UGCG: variants seen among roughly 807,000 people sequenced by gnomAD.
UGCG encodes UDP-glucose ceramide glucosyltransferase, also known as ceramide glucosyltransferase.
UGCG carries 10 observed loss-of-function variants against 49.5 expected under a neutral mutation model. That is an observed-to-expected ratio of 0.20 (90% confidence interval 0.12 to 0.34). The LOEUF (loss-of-function observed/expected upper bound fraction) is 0.34. Among genes scored for constraint, UGCG ranks in the 10% least tolerant of loss-of-function variants. UGCG has a pLI of 1.00. For missense variants in UGCG, 312 were observed against 483.7 expected (o/e 0.65, Z 3.33); for synonymous variants, 182 against 158.2 (o/e 1.15, Z -1.13).
At chr9:111,923,489 G>A (rs891040906) in intron 3 of UGCG, among the ~76,000 whole-genome samples, 2 of 151,898 alleles carry the variant, frequency 1.3e-5, no homozygotes, top group African/African-American at 4.8e-5. Flanking sequence ...AGCTTAAAAT[G>A]CAAATTTGAA....
In UGCG at chr9:111,933,422, G is replaced by C. The variant is rs1490613470; in HGVS notation, c.*425G>C. On this transcript the variant is annotated 3_prime_UTR_variant, in exon 9 of 9. Transcript: ENST00000374279. Reference sequence around the variant, plus strand: ...TTGCTTTAGAGTTTAGAAGATAATAGAAGGAATGACTATTCATGTCCAAAG... The same window carrying C: ...TTGCTTTAGAGTTTAGAAGATAATACAAGGAATGACTATTCATGTCCAAAG... 1 of 152,174 alleles carries C rather than the reference G, an allele frequency of 6.6e-6. No homozygotes were observed. The highest frequency in any genetic ancestry group is 1.5e-5 in the Non-Finnish European group (1 of 68,064). The allele number at this position is 152,174 out of a possible 1,614,324, so 9.4% of individuals were successfully genotyped here.
chr9:111,901,950 A>G (rs1299697164), intron 1 of UGCG, among the ~76,000 whole-genome samples: 1 of 152,194 alleles, frequency 6.6e-6, no homozygotes, highest in Non-Finnish European at 1.5e-5. Context: ...AAATCTTACC[A>G]TGAATCCTCA....
intron 2 of UGCG, among the ~76,000 whole-genome samples, chr9:111,916,119 G>A (rs1280542973): frequency 6.6e-6 from 1 of 151,868 alleles, no homozygotes; most frequent in African/African-American, 2.4e-5. Flanking sequence ...TTGTAATTGA[G>A]AAAGATATAA....
intron 3 of UGCG, 42 bp from the exon 4 acceptor site, chr9:111,924,735 A>G (rs1302558372): frequency 2.9e-6 from 3 of 1,044,520 alleles, no homozygotes; most frequent in Non-Finnish European, 4.1e-6. Flanking sequence ...AATATTTTTA[A>G]TGTTGCATAA....
intron 1 of UGCG, among the ~76,000 whole-genome samples, chr9:111,900,098 G>A (rs905076014): frequency 6.7e-6 from 1 of 148,416 alleles, no homozygotes; most frequent in Non-Finnish European, 1.5e-5. Context: ...GCCTTGGCAA[G>A]TTAAATAGCC....
rs1838441521 is a variant in UGCG, at chr9:111,932,371, G to A, written c.1014+12G>A. 1.2e-6 allele frequency: 2 copies of A among 1,603,568 alleles called. No individual in the cohort carries two copies. Among genetic ancestry groups the A allele is most frequent in the Non-Finnish European group, 1.7e-6 (2 of 1,174,168 alleles). On this transcript the variant is annotated intron_variant, in intron 8 of 8. Transcript: ENST00000374279. ...TCAGGGGTGTCCAGGTATGTGGATA[G>A]GCATGAAAAGGTTGGCAGTCCCTTG...
intron 2 of UGCG, among the ~76,000 whole-genome samples, chr9:111,921,269 C>T (rs1433200883): frequency 6.6e-6 from 1 of 151,856 alleles, no homozygotes; most frequent in East Asian, 1.9e-4. Flanking sequence ...AATTTATTAC[C>T]ACTTCTGGGG....
At chr9:111,920,856 A>G (rs1472821479) in intron 2 of UGCG, among the ~76,000 whole-genome samples, 1 of 151,850 alleles carries the variant, frequency 6.6e-6, no homozygotes, top group Non-Finnish European at 1.5e-5. Context: ...GGACATAATT[A>G]ACCTCCCTTC....
At chr9:111,908,426 G>A (rs968590241) in intron 1 of UGCG, among the ~76,000 whole-genome samples, 17 of 152,230 alleles carry the variant, frequency 1.1e-4, no homozygotes, top group Non-Finnish European at 1.0e-4. Flanking sequence ...GGGGAGCATA[G>A]TACGTGGAAG....
chr9:111,906,521 C>G (rs1837887248), intron 1 of UGCG, among the ~76,000 whole-genome samples: 1 of 152,176 alleles, frequency 6.6e-6, no homozygotes, highest in South Asian at 2.1e-4. Flanking sequence ...CCTCTGCCTC[C>G]TGGGTTCAAG....
chr9:111,924,909 A>G, intron 4 of UGCG, 31 bp downstream of exon 4: 1 of 1,289,362 alleles, frequency 7.8e-7, no homozygotes, highest in Non-Finnish European at 1.0e-6. Context: ...ATTTTATAAA[A>G]CTATTAATTT....
chr9:111,917,290 T>G (rs1838129381), intron 2 of UGCG, among the ~76,000 whole-genome samples: 1 of 152,250 alleles, frequency 6.6e-6, no homozygotes, highest in Non-Finnish European at 1.5e-5. Context: ...GGGAAATATT[T>G]GATTTCACAG....
intron 2 of UGCG, among the ~76,000 whole-genome samples, chr9:111,916,283 C>A (rs1375082164): frequency 6.6e-6 from 1 of 152,122 alleles, no homozygotes; most frequent in Non-Finnish European, 1.5e-5. Flanking sequence ...GAGTCATATG[C>A]ATTATCATTG....
intron 2 of UGCG, among the ~76,000 whole-genome samples, chr9:111,920,994 C>A (rs1400130656): frequency 1.3e-5 from 2 of 152,058 alleles, no homozygotes; most frequent in Non-Finnish European, 2.9e-5. Flanking sequence ...TCTCCGCCTC[C>A]TGGGTTCAAG....
chr9:111,925,497 GCCTGGTCTCTACCATGAGATGC>G (rs1838299738), intron 4 of UGCG, among the ~76,000 whole-genome samples: 1 of 152,206 alleles, frequency 6.6e-6, no homozygotes, highest in Non-Finnish European at 1.5e-5. Context: ...TTAGCAGCAT[GCCTGGTCTCTACCATGAGATGC>G]CAGTAGTACC....
In UGCG at chr9:111,897,114, C is replaced by T. The variant is rs1589513667; in HGVS notation, c.-102C>T. ...TTTCCTCTCCCCACCTTCCTCTCGCCTCCCGCGCCCCCGCACCGGGCGCCC... is the reference window on the plus strand; with the variant it reads ...TTTCCTCTCCCCACCTTCCTCTCGCTTCCCGCGCCCCCGCACCGGGCGCCC... On this transcript the variant is annotated 5_prime_UTR_variant, in exon 1 of 9. Coordinates refer to ENST00000374279, the MANE Select transcript of UGCG (RefSeq NM_003358.3). The T allele has an allele frequency of 3.2e-6, 3 of 927,366 alleles. No individual in the cohort carries two copies. Among genetic ancestry groups the T allele is most frequent in the South Asian group, 3.4e-5 (2 of 58,790 alleles). 57.4% of individuals were successfully genotyped at this position (927,366 alleles called of 1,614,324 possible).
intron 7 of UGCG, 133 bp from the exon 8 acceptor site, chr9:111,932,033 AAAAC>A: frequency 6.6e-5 from 65 of 979,668 alleles, no homozygotes; most frequent in South Asian, 8.7e-5. Flanking sequence ...TAAAAAAAAA[AAAAC>A]AAAACAAAAA....
intron 1 of UGCG, among the ~76,000 whole-genome samples, chr9:111,899,123 G>C (rs1837720514): frequency 1.3e-5 from 2 of 152,266 alleles, no homozygotes; most frequent in South Asian, 4.1e-4. Flanking sequence ...TGGATGTTTA[G>C]GTTGTTTCCA....
intron 2 of UGCG, among the ~76,000 whole-genome samples, 200 bp from the exon 3 acceptor site, chr9:111,922,649 T>C (rs964122826): frequency 6.6e-6 from 1 of 152,178 alleles, no homozygotes; most frequent in Non-Finnish European, 1.5e-5. Context: ...TGCTTGCAGA[T>C]AGGCTCCTAA....
Sources: allele counts gnomAD v4.1 joint callset (sites outside exome capture counted in the v4.1 genomes callset), GRCh38; gene constraint gnomAD v4.1.1; transcripts MANE v1.5; gene names NCBI Gene and HGNC (gene_info 2026-07-23, HGNC 2026-07-21).